GRM8: variants seen among roughly 807,000 people sequenced by gnomAD.
GRM8 encodes metabotropic glutamate receptor 8.
A neutral mutation model predicts 87.2 loss-of-function variants in GRM8; 47 were observed. That is an observed-to-expected ratio of 0.54 (90% CI 0.43 to 0.69). The LOEUF (loss-of-function observed/expected upper bound fraction) is 0.69. Among genes scored for constraint, GRM8 ranks in the 30% least tolerant of loss-of-function variants. The probability of loss-of-function intolerance (pLI) is 0.00; values close to 1 mark genes in which losing one functional copy is unlikely to be tolerated. For missense variants in GRM8, 1,019 were observed against 1,139.2 expected, an observed-to-expected ratio of 0.89 and a Z score of 1.52; for synonymous variants, 396 against 404.5, an observed-to-expected ratio of 0.98 and a Z score of 0.25.
intron 3 of GRM8, among the ~76,000 whole-genome samples, chr7:127,003,332 T>C (rs563897358): frequency 3.4e-4 from 52 of 151,864 alleles, no homozygotes; most frequent in Admixed American, 5.9e-4. Flanking sequence ...TCTCCACACT[T>C]AGCTCCTAGA....
chr7:127,019,051 A>G (rs1165328105), intron 3 of GRM8, among the ~76,000 whole-genome samples: 2 of 152,056 alleles, frequency 1.3e-5, no homozygotes, highest in African/African-American at 4.8e-5. Context: ...AGGAGTTATT[A>G]TTGTTAAGGA....
At chr7:126,784,270 T>C (rs1029351208) in intron 6 of GRM8, among the ~76,000 whole-genome samples, 17 of 152,082 alleles carry the variant, frequency 1.1e-4, no homozygotes, top group Non-Finnish European at 4.4e-5. Context: ...CAAAAAAAAA[T>C]TGAAAACAGT....
At chr7:126,890,939 C>T (rs1000541552) in intron 6 of GRM8, among the ~76,000 whole-genome samples, 2 of 152,060 alleles carry the variant, frequency 1.3e-5, no homozygotes, top group Admixed American at 6.6e-5. Context: ...TAGTGAGGCC[C>T]CAATTCTCTG....
chr7:126,569,730 A>T (rs1185597171), intron 8 of GRM8, among the ~76,000 whole-genome samples: 2 of 152,194 alleles, frequency 1.3e-5, no homozygotes, highest in Non-Finnish European at 2.9e-5. Context: ...AAATTATCCA[A>T]AAATGCAGTC....
intron 9 of GRM8, among the ~76,000 whole-genome samples, chr7:126,468,671 T>C (rs1161250520): frequency 6.6e-6 from 1 of 152,130 alleles, no homozygotes; most frequent in African/African-American, 2.4e-5. Flanking sequence ...CCATTGTCTG[T>C]GTCCAAAAAA....
At chr7:127,062,846 G>A (rs1358423572) in intron 3 of GRM8, among the ~76,000 whole-genome samples, 2 of 152,146 alleles carry the variant, frequency 1.3e-5, no homozygotes, top group African/African-American at 2.4e-5. Flanking sequence ...ATCTGTGGGG[G>A]TCAGCAGTAA....
chr7:127,144,998 A>ACAAT (rs1828477470), intron 2 of GRM8, among the ~76,000 whole-genome samples: 1 of 152,128 alleles, frequency 6.6e-6, no homozygotes, highest in South Asian at 2.1e-4. Flanking sequence ...ATTTGCATTA[A>ACAAT]GTCGACAAAC....
At chr7:127,170,247 C>T (rs182327044) in intron 2 of GRM8, among the ~76,000 whole-genome samples, 1 of 152,256 alleles carries the variant, frequency 6.6e-6, no homozygotes, top group Admixed American at 6.5e-5. Flanking sequence ...GCCCCACCCA[C>T]ATCACTAATG....
At chr7:126,447,561 T>G (rs1441963364) in intron 9 of GRM8, among the ~76,000 whole-genome samples, 1 of 152,028 alleles carries the variant, frequency 6.6e-6, no homozygotes, top group Admixed American at 6.6e-5. Flanking sequence ...CTGGCAATCC[T>G]CAAGACCAAA....
intron 6 of GRM8, among the ~76,000 whole-genome samples, chr7:126,896,903 G>A (rs1157930119): frequency 6.6e-5 from 10 of 152,146 alleles, no homozygotes; most frequent in Non-Finnish European, 1.5e-4. Flanking sequence ...AATTCCACAA[G>A]ACAGTGTATA....
chr7:127,229,330 T>G (rs906716087), intron 2 of GRM8: 6 of 152,164 alleles, frequency 3.9e-5, no homozygotes. Flanking sequence ...GGTGCTGGGT[T>G]TTTTCATTTT....
chr7:126,593,186 C>G (rs547266470), intron 8 of GRM8, among the ~76,000 whole-genome samples: 25 of 151,930 alleles, frequency 1.6e-4, no homozygotes, highest in African/African-American at 6.0e-4. Context: ...CATACTACAC[C>G]AAGCAATCTA....
chr7:126,601,654 G>C (rs1797782097), intron 8 of GRM8, among the ~76,000 whole-genome samples: 1 of 148,192 alleles, frequency 6.7e-6, no homozygotes, highest in East Asian at 2.0e-4. Flanking sequence ...TCTCATAGTG[G>C]TTTTGATTTG....
At position 126,552,256 on chromosome 7, in the gene GRM8, A is replaced by T. The variant is rs377295347; in HGVS notation, c.1495-18369T>A. Among the ~76,000 whole-genome samples, 6 of 151,820 alleles carry T rather than the reference A, an allele frequency of 4.0e-5. No homozygotes were observed. In the East Asian group the frequency reaches 1.2e-3, roughly 29 times the overall value. The stretch of plus-strand genomic sequence containing the variant: ...TCATTATGCTCCTATATTATAATGA[A>T]CTCCTCTATTAGTTTTAACTATTCT... On this transcript the variant is annotated intron_variant, in intron 8 of 10. Transcript: ENST00000339582.
At chr7:127,135,737 C>T (rs1482112818) in intron 2 of GRM8, among the ~76,000 whole-genome samples, 2 of 150,914 alleles carry the variant, frequency 1.3e-5, no homozygotes, top group Admixed American at 6.6e-5. Context: ...CGCCTACAAT[C>T]GTTTTTCTTA....
intron 8 of GRM8, among the ~76,000 whole-genome samples, chr7:126,607,269 A>G (rs942122966): frequency 1.3e-5 from 2 of 152,264 alleles, no homozygotes; most frequent in African/African-American, 4.8e-5. Flanking sequence ...GGCCTTACGT[A>G]TCACTACAAT....
chr7:126,867,765 A>G (rs1798732023), intron 6 of GRM8, among the ~76,000 whole-genome samples: 1 of 152,118 alleles, frequency 6.6e-6, no homozygotes. Context: ...AAGACAAGAA[A>G]CCCAGGAAAA....
intron 7 of GRM8, among the ~76,000 whole-genome samples, chr7:126,657,429 A>C (rs1318790900): frequency 3.3e-5 from 5 of 152,132 alleles, no homozygotes; most frequent in African/African-American, 1.2e-4. Flanking sequence ...CCCCCCAAAA[A>C]AGTCACATAC....
chr7:126,506,009 C>A (rs1810410081), intron 9 of GRM8, among the ~76,000 whole-genome samples: 1 of 151,976 alleles, frequency 6.6e-6, no homozygotes, highest in Non-Finnish European at 1.5e-5. Context: ...CTCCTCCTAG[C>A]CCCTGTCAAC....
Sources: gnomAD v4.1 joint callset for allele counts (sites outside exome capture counted in the v4.1 genomes callset) on GRCh38, gnomAD v4.1.1 for gene constraint, MANE v1.5 for transcripts, NCBI Gene and HGNC (gene_info 2026-07-23, HGNC 2026-07-21) for gene names.